UNC5D: variants seen among roughly 807,000 people sequenced by gnomAD.
UNC5D encodes the protein unc-5 netrin receptor D, also known as netrin receptor UNC5D.
UNC5D carries 39 observed loss-of-function variants against 105.4 expected under a neutral mutation model. That is an observed-to-expected ratio of 0.37 (90% CI 0.29 to 0.48). The LOEUF (loss-of-function observed/expected upper bound fraction) is 0.48. Ranked by LOEUF, UNC5D falls within the 20% of genes least tolerant of loss-of-function variation. The probability of loss-of-function intolerance (pLI) is 0.98; values close to 1 mark genes in which losing one functional copy is unlikely to be tolerated. For synonymous variants in UNC5D, 452 were observed against 450.4 expected (o/e 1.00, Z -0.04); for missense variants, 991 against 1,202.4 (o/e 0.82, Z 2.60).
chr8:35,368,335 G>A (rs1338613032), intron 1 of UNC5D, among the ~76,000 whole-genome samples: 2 of 151,900 alleles, frequency 1.3e-5, no homozygotes, highest in Admixed American at 6.6e-5. Flanking sequence ...GTGCACACAT[G>A]TGCGCATGCA....
At chr8:35,434,658 A>G (rs1806885137) in intron 1 of UNC5D, among the ~76,000 whole-genome samples, 1 of 152,140 alleles carries the variant, frequency 6.6e-6, no homozygotes, top group African/African-American at 2.4e-5. Flanking sequence ...TAACATTAAT[A>G]CAGTTCCACA....
rs558589816 is a variant in UNC5D at position 35,707,649 on chromosome 8, G to A, written c.1117+1688G>A. Among the ~76,000 whole-genome samples the A allele has an allele frequency of 1.4e-4, 22 of 152,250 alleles. No individual in the cohort carries two copies. In the South Asian group the frequency reaches 1.5e-3, roughly 10 times the overall value. On this transcript the variant is annotated intron_variant, in intron 8 of 16. Coordinates refer to ENST00000404895, the MANE Select transcript of UNC5D (RefSeq NM_080872.4). ...TCATATAGCACAAAAAAGATCATAG[G>A]TATCCATGGGGTGGCCAATGTGAGA...
At chr8:35,420,606 G>T (rs1373872783) in intron 1 of UNC5D, among the ~76,000 whole-genome samples, 1 of 152,192 alleles carries the variant, frequency 6.6e-6, no homozygotes, top group Non-Finnish European at 1.5e-5. Flanking sequence ...CATCTGCAAA[G>T]ACACCAGTTC....
At chr8:35,245,442 G>T (rs1803032633) in intron 1 of UNC5D, among the ~76,000 whole-genome samples, 1 of 152,050 alleles carries the variant, frequency 6.6e-6, no homozygotes, top group South Asian at 2.1e-4. Flanking sequence ...ACCAGAAGCT[G>T]CAGTGATTAC....
intron 7 of UNC5D, among the ~76,000 whole-genome samples, chr8:35,704,621 C>A (rs1827424841): frequency 6.6e-6 from 1 of 152,110 alleles, no homozygotes; most frequent in Non-Finnish European, 1.5e-5. Flanking sequence ...TGTAGTCAGA[C>A]AATGACTCAT....
intron 1 of UNC5D, among the ~76,000 whole-genome samples, chr8:35,476,452 C>G (rs1391477731): frequency 6.6e-6 from 1 of 152,110 alleles, no homozygotes; most frequent in Non-Finnish European, 1.5e-5. Context: ...AGCATTTTCC[C>G]AGGGAAGTAT....
intron 4 of UNC5D, among the ~76,000 whole-genome samples, chr8:35,634,787 A>G (rs1822256354): frequency 6.9e-6 from 1 of 145,438 alleles, no homozygotes; most frequent in South Asian, 2.2e-4. Flanking sequence ...TTTTTTTGAG[A>G]CGGAGTTTCA....
intron 1 of UNC5D, among the ~76,000 whole-genome samples, chr8:35,338,169 G>A (rs1811194843): frequency 6.6e-6 from 1 of 152,024 alleles, no homozygotes; most frequent in Non-Finnish European, 1.5e-5. Flanking sequence ...AATTTCTGGA[G>A]AAGTAAGTGA....
chr8:35,529,946 C>A (rs1293341484), intron 1 of UNC5D, among the ~76,000 whole-genome samples: 1 of 151,110 alleles, frequency 6.6e-6, no homozygotes, highest in African/African-American at 2.4e-5. Context: ...AGATTTTGGG[C>A]TGAGACAATG....
chr8:35,687,869 A>G (rs945841881), intron 7 of UNC5D, among the ~76,000 whole-genome samples: 9 of 152,108 alleles, frequency 5.9e-5, no homozygotes, highest in Admixed American at 2.0e-4. Context: ...ACCCACTTAG[A>G]TGAGTCAAGG....
chr8:35,359,969 TA>T (rs1801771968), intron 1 of UNC5D, among the ~76,000 whole-genome samples: 1 of 152,246 alleles, frequency 6.6e-6, no homozygotes, highest in Non-Finnish European at 1.5e-5. Context: ...AGATGCTTTT[TA>T]AATTCTTCAT....
intron 1 of UNC5D, among the ~76,000 whole-genome samples, chr8:35,327,594 A>C (rs762954601): frequency 7.2e-5 from 11 of 152,174 alleles, no homozygotes; most frequent in Non-Finnish European, 1.5e-4. Flanking sequence ...CATTTATTTT[A>C]CAAATGTCCC....
intron 1 of UNC5D, among the ~76,000 whole-genome samples, chr8:35,418,757 C>T (rs773408661): frequency 1.8e-4 from 28 of 152,154 alleles, no homozygotes; most frequent in East Asian, 1.4e-3. Context: ...TTCTCACCTA[C>T]GGACGTTGGT....
intron 2 of UNC5D, among the ~76,000 whole-genome samples, chr8:35,553,826 C>T (rs1050294251): frequency 2.6e-5 from 4 of 152,146 alleles, no homozygotes; most frequent in African/African-American, 9.7e-5. Flanking sequence ...ACTTGACTAC[C>T]TTTACAGACT....
At chr8:35,657,080 G>GTGTGTGTATATATATATATA (rs1281641556) in intron 4 of UNC5D, among the ~76,000 whole-genome samples, 1 of 46,516 alleles carries the variant, frequency 2.1e-5, no homozygotes, top group Middle Eastern at 0.013. Context: ...GTGTGTGTGT[G>GTGTGTGTATATATATATATA]TATATATATA....
At chr8:35,357,390 C>T (rs562884799) in intron 1 of UNC5D, among the ~76,000 whole-genome samples, 1 of 152,250 alleles carries the variant, frequency 6.6e-6, no homozygotes, top group South Asian at 2.1e-4. Context: ...TGCTCATTAA[C>T]CCCAGACTGC....
chr8:35,497,429 G>A (rs1418186212), intron 1 of UNC5D, among the ~76,000 whole-genome samples: 1 of 152,226 alleles, frequency 6.6e-6, no homozygotes, highest in Non-Finnish European at 1.5e-5. Flanking sequence ...TGCCAGTGCA[G>A]CATGTCACGA....
intron 1 of UNC5D, among the ~76,000 whole-genome samples, chr8:35,367,434 C>T (rs113687435): frequency 4.7e-4 from 72 of 152,148 alleles, no homozygotes; most frequent in African/African-American, 1.7e-3. Flanking sequence ...CCAGGTCTTC[C>T]CCAGATGAAA....
chr8:35,748,513 T>C lies in UNC5D; in HGVS notation c.1767-14T>C, dbSNP rs1830110675. The C allele has an allele frequency of 6.2e-7, 1 of 1,609,792 alleles. No individual in the cohort carries two copies. The highest frequency in any genetic ancestry group is 8.5e-7 in the Non-Finnish European group (1 of 1,178,568). ...TACATACTTCTCTCTTCTATCCTTT[T>C]TTCAACTGTGAAGCCTCCAGTCAGA... is the stretch of plus-strand genomic sequence containing the variant. On this transcript the variant is annotated splice_polypyrimidine_tract_variant and intron_variant, in intron 11 of 16. Transcript: ENST00000404895.
Sources: allele counts gnomAD v4.1 joint callset (sites outside exome capture counted in the v4.1 genomes callset), GRCh38; gene constraint gnomAD v4.1.1; transcripts MANE v1.5; gene names NCBI Gene and HGNC (gene_info 2026-07-23, HGNC 2026-07-21).